Variants in UBL3 observed in about 807,000 individuals in gnomAD.
UBL3 encodes the protein ubiquitin-like protein 3.
A neutral mutation model predicts 18.4 loss-of-function variants in UBL3; 6 were observed. The ratio of observed to expected loss-of-function variants is 0.33; its 90% confidence interval spans 0.18 to 0.64. The LOEUF (loss-of-function observed/expected upper bound fraction) is 0.64. Among genes scored for constraint, UBL3 ranks in the 30% least tolerant of loss-of-function variants. The pLI is 0.76. For missense variants in UBL3, 109 were observed against 142.9 expected (o/e 0.76, Z 1.21); for synonymous variants, 49 against 46.6 (o/e 1.05, Z -0.21).
At chr13:29,821,785 GATT>G (rs1228816769) in intron 1 of UBL3, among the ~76,000 whole-genome samples, 1 of 152,066 alleles carries the variant, frequency 6.6e-6, no homozygotes, top group African/African-American at 2.4e-5. Flanking sequence ...TTGTTCCATT[GATT>G]TCGTACAGAA....
At chr13:29,793,597 T>C (rs1270169108) in intron 1 of UBL3, among the ~76,000 whole-genome samples, 2 of 152,218 alleles carry the variant, frequency 1.3e-5, no homozygotes, top group African/African-American at 2.4e-5. Context: ...TACTCAAATA[T>C]TCTATTTTTA....
chr13:29,776,310 A>G (rs952165080), intron 2 of UBL3, among the ~76,000 whole-genome samples: 2 of 130,422 alleles, frequency 1.5e-5, no homozygotes, highest in African/African-American at 6.0e-5. Context: ...TTGCTCAGGC[A>G]GGAATGTAGT....
chr13:29,828,895 T>C (rs1011240216), intron 1 of UBL3, among the ~76,000 whole-genome samples: 3 of 152,178 alleles, frequency 2.0e-5, no homozygotes, highest in African/African-American at 7.2e-5. Context: ...CTTCTAAGAG[T>C]CAGGACCCTC....
At chr13:29,790,197 G>A (rs1275646972) in intron 1 of UBL3, among the ~76,000 whole-genome samples, 8 of 152,170 alleles carry the variant, frequency 5.3e-5, no homozygotes, top group Admixed American at 4.6e-4. Context: ...AAAAGAGAAC[G>A]TTATTTAGGA....
At chr13:29,816,149 G>A (rs1160699019) in intron 1 of UBL3, among the ~76,000 whole-genome samples, 2 of 152,028 alleles carry the variant, frequency 1.3e-5, no homozygotes, top group Non-Finnish European at 2.9e-5. Context: ...CAATATGAAT[G>A]AAAGTATTTT....
chr13:29,801,238 C>G (rs1368990522), intron 1 of UBL3, among the ~76,000 whole-genome samples: 1 of 152,112 alleles, frequency 6.6e-6, no homozygotes, highest in African/African-American at 2.4e-5. Flanking sequence ...GACCCCACTC[C>G]CCACTCTTCA....
chr13:29,798,788 C>T (rs965725655), intron 1 of UBL3, among the ~76,000 whole-genome samples: 55 of 152,072 alleles, frequency 3.6e-4, no homozygotes, highest in Admixed American at 3.1e-3. Context: ...ACTATAGATG[C>T]GTTTAAGTAC....
chr13:29,793,195 A>G (rs1877525799), intron 1 of UBL3, among the ~76,000 whole-genome samples: 1 of 152,222 alleles, frequency 6.6e-6, no homozygotes, highest in Admixed American at 6.5e-5. Context: ...AGCTAAGGAA[A>G]AGAACAGATA....
chr13:29,828,911 A>G (rs1878694639), intron 1 of UBL3, among the ~76,000 whole-genome samples: 1 of 152,178 alleles, frequency 6.6e-6, no homozygotes, highest in Admixed American at 6.5e-5. Flanking sequence ...CCCTCAGCGG[A>G]AGGTCTGTTG....
intron 1 of UBL3, among the ~76,000 whole-genome samples, chr13:29,831,794 C>T (rs1358703956): frequency 2.6e-5 from 4 of 151,784 alleles, no homozygotes; most frequent in Admixed American, 2.6e-4. Flanking sequence ...TCTGGGACCA[C>T]TTGGAATACA....
chr13:29,791,722 G>C (rs895889525), intron 1 of UBL3, among the ~76,000 whole-genome samples: 1 of 152,076 alleles, frequency 6.6e-6, no homozygotes, highest in Middle Eastern at 3.2e-3. Context: ...GTCCATGCTT[G>C]CCTAGGACAA....
intron 2 of UBL3, 23 bp downstream of exon 2, chr13:29,777,132 C>T: frequency 5.2e-6 from 8 of 1,537,366 alleles, no homozygotes; most frequent in Non-Finnish European, 7.1e-6. Context: ...ATTATTCATA[C>T]TCAAGAGAAA....
chr13:29,835,143 T>TATATAA (rs1878916944), intron 1 of UBL3, among the ~76,000 whole-genome samples: 4 of 12,464 alleles, frequency 3.2e-4, no homozygotes, highest in Non-Finnish European at 5.8e-4. Context: ...TATATATATA[T>TATATAA]ATATATATAT....
At chr13:29,839,160 T>C (rs554466314) in intron 1 of UBL3, among the ~76,000 whole-genome samples, 3 of 152,266 alleles carry the variant, frequency 2.0e-5, no homozygotes, top group African/African-American at 7.2e-5. Context: ...AAAAGTCAAG[T>C]GTGATACAAT....
At chr13:29,811,953 T>A (rs555240817) in intron 1 of UBL3, among the ~76,000 whole-genome samples, 1 of 152,100 alleles carries the variant, frequency 6.6e-6, no homozygotes, top group South Asian at 2.1e-4. Context: ...TAAACAAAAT[T>A]CAAAATTTTA....
chr13:29,828,653 T>A (rs1466342760), intron 1 of UBL3, among the ~76,000 whole-genome samples: 1 of 152,242 alleles, frequency 6.6e-6, no homozygotes, highest in African/African-American at 2.4e-5. Flanking sequence ...AGTCTGATCA[T>A]CTGAAGCCTT....
At chr13:29,828,960 G>C (rs572701578) in intron 1 of UBL3, among the ~76,000 whole-genome samples, 6 of 152,162 alleles carry the variant, frequency 3.9e-5, no homozygotes, top group Non-Finnish European at 7.4e-5. Context: ...TGTTTGCCTG[G>C]GTATCAGCAG....
intron 1 of UBL3, among the ~76,000 whole-genome samples, chr13:29,806,586 T>G (rs1361496350): frequency 1.3e-5 from 2 of 152,200 alleles, no homozygotes. Flanking sequence ...GGTGCAGTGC[T>G]GAGGTGCAAG....
At chr13:29,839,127 TTGAGTGATTTA>T in intron 1 of UBL3, among the ~76,000 whole-genome samples, 1 of 152,240 alleles carries the variant, frequency 6.6e-6, no homozygotes, top group East Asian at 1.9e-4. Flanking sequence ...AGTTTCTCAA[TTGAGTGATTTA>T]AAAAAGACAA....
Sources: gnomAD v4.1 joint callset for allele counts (sites outside exome capture counted in the v4.1 genomes callset) on GRCh38, gnomAD v4.1.1 for gene constraint, MANE v1.5 for transcripts, NCBI Gene and HGNC (gene_info 2026-07-23, HGNC 2026-07-21) for gene names.